Variants in TASP1 observed in about 807,000 individuals in gnomAD.
The protein encoded by TASP1 is threonine aspartase 1.
Under a neutral mutation model 56.6 loss-of-function variants are expected in TASP1, and 16 were observed. The ratio of observed to expected loss-of-function variants is 0.28; its 90% CI spans 0.19 to 0.43. The LOEUF is 0.43. Among genes scored for constraint, TASP1 ranks in the 20% least tolerant of loss-of-function variants. The probability of loss-of-function intolerance (pLI) is 1.00; values close to 1 mark genes in which losing one functional copy is unlikely to be tolerated. For missense variants in TASP1, 393 were observed against 511.6 expected, an observed-to-expected ratio of 0.77 and a Z score of 2.24; for synonymous variants, 179 against 184.2, an observed-to-expected ratio of 0.97 and a Z score of 0.23.
intron 13 of TASP1, among the ~76,000 whole-genome samples, chr20:13,406,680 T>C (rs1025046368): frequency 4.0e-5 from 6 of 149,904 alleles, no homozygotes; most frequent in Admixed American, 2.0e-4. Context: ...TTTTTTTTTT[T>C]TTTTTTGAGA....
the TASP1 span, among the ~76,000 whole-genome samples, chr20:13,326,831 A>G: frequency 2.0e-5 from 3 of 152,176 alleles, no homozygotes; most frequent in Admixed American, 1.3e-4. Flanking sequence ...TAAGAGCCAT[A>G]TATGGCAAAC....
chr20:13,237,609 C>T, the TASP1 span, among the ~76,000 whole-genome samples: 2 of 152,114 alleles, frequency 1.3e-5, no homozygotes, highest in Non-Finnish European at 1.5e-5. Context: ...TAATGTTTTG[C>T]CTCTTGATCT....
chr20:13,597,853 T>C (rs1201440168), intron 4 of TASP1, among the ~76,000 whole-genome samples: 1 of 152,188 alleles, frequency 6.6e-6, no homozygotes, highest in Non-Finnish European at 1.5e-5. Context: ...ACAAAATCAA[T>C]GTGCAAAAAT....
At chr20:13,308,074 A>AC in the TASP1 span, among the ~76,000 whole-genome samples, 11 of 151,802 alleles carry the variant, frequency 7.2e-5, no homozygotes, top group African/African-American at 9.7e-5. Flanking sequence ...TCTCAATTTC[A>AC]CCCCCTTCAC....
chr20:13,516,145 A>G (rs879658553), intron 10 of TASP1, among the ~76,000 whole-genome samples: 2 of 152,164 alleles, frequency 1.3e-5, no homozygotes, highest in Admixed American at 1.3e-4. Flanking sequence ...GCAAAATAAT[A>G]CCAAAAACAG....
the TASP1 span, among the ~76,000 whole-genome samples, chr20:13,236,085 C>T: frequency 2.0e-5 from 3 of 152,090 alleles, no homozygotes; most frequent in South Asian, 2.1e-4. Flanking sequence ...CCACCACGCA[C>T]GGCTAATTTT....
chr20:13,506,143 C>T (rs2044123241), intron 10 of TASP1, among the ~76,000 whole-genome samples: 1 of 152,060 alleles, frequency 6.6e-6, no homozygotes, highest in African/African-American at 2.4e-5. Flanking sequence ...ATTAGATAAC[C>T]TAGTAGAAAT....
the TASP1 span, among the ~76,000 whole-genome samples, chr20:13,159,662 A>T: frequency 6.6e-5 from 10 of 152,294 alleles, no homozygotes; most frequent in African/African-American, 2.2e-4. Flanking sequence ...GACCCTGCAG[A>T]TGGATTTTAT....
intron 4 of TASP1, among the ~76,000 whole-genome samples, chr20:13,596,441 T>C (rs968444480): frequency 2.0e-5 from 3 of 147,444 alleles, no homozygotes; most frequent in African/African-American, 7.5e-5. Flanking sequence ...ACTGGGTAAA[T>C]AACAAAATGA....
the TASP1 span, among the ~76,000 whole-genome samples, chr20:13,149,888 G>A: frequency 3.3e-5 from 5 of 152,334 alleles, no homozygotes; most frequent in South Asian, 4.1e-4. Flanking sequence ...AGATAATGCC[G>A]TTGGGAAAAG....
At chr20:13,462,142 C>T (rs2044077070) in intron 11 of TASP1, among the ~76,000 whole-genome samples, 1 of 152,002 alleles carries the variant, frequency 6.6e-6, no homozygotes, top group Middle Eastern at 3.2e-3. Context: ...TATGTGGCTT[C>T]CAAAGAGAGG....
the TASP1 span, among the ~76,000 whole-genome samples, chr20:13,218,285 A>G: frequency 1.1e-4 from 17 of 152,082 alleles, no homozygotes; most frequent in Non-Finnish European, 2.4e-4. Context: ...AAAGAAAAAA[A>G]AAAGGAAAGA....
chr20:13,139,839 G>A, the TASP1 span, among the ~76,000 whole-genome samples: 47 of 152,252 alleles, frequency 3.1e-4, no homozygotes, highest in South Asian at 1.0e-3. Flanking sequence ...TAGAATAAAA[G>A]TATCTAAGAA....
chr20:13,457,096 G>A (rs2043870118), intron 11 of TASP1, among the ~76,000 whole-genome samples: 1 of 151,702 alleles, frequency 6.6e-6, no homozygotes, highest in Non-Finnish European at 1.5e-5. Context: ...ACAGGGCAGT[G>A]AACATCACAC....
At chr20:13,420,182 C>T (rs1343580852) in intron 12 of TASP1, among the ~76,000 whole-genome samples, 1 of 152,080 alleles carries the variant, frequency 6.6e-6, no homozygotes, top group Non-Finnish European at 1.5e-5. Context: ...AGACATTACC[C>T]TTTATTTTTT....
the TASP1 span, among the ~76,000 whole-genome samples, chr20:13,213,191 A>C: frequency 6.6e-6 from 1 of 152,090 alleles, no homozygotes; most frequent in Admixed American, 6.6e-5. Flanking sequence ...AGTTATTAAA[A>C]AAAAAGAGTT....
chr20:13,503,604 C>A (rs377243532), intron 10 of TASP1, among the ~76,000 whole-genome samples: 1 of 148,498 alleles, frequency 6.7e-6, no homozygotes, highest in East Asian at 2.0e-4. Context: ...ATAATAATAT[C>A]CCATTAATTG....
chr20:13,237,646 G>A, the TASP1 span, among the ~76,000 whole-genome samples: 1 of 152,164 alleles, frequency 6.6e-6, no homozygotes, highest in South Asian at 2.1e-4. Flanking sequence ...GGTGTCTTCA[G>A]TTTGTGAAAT....
At chr20:13,537,551 T>G (rs1164604425) in intron 8 of TASP1, among the ~76,000 whole-genome samples, 5 of 152,166 alleles carry the variant, frequency 3.3e-5, no homozygotes, top group Non-Finnish European at 5.9e-5. Context: ...ATACAATGAC[T>G]GTTACTATAT....
Sources: allele counts gnomAD v4.1 joint callset (sites outside exome capture counted in the v4.1 genomes callset), GRCh38; gene constraint gnomAD v4.1.1; transcripts MANE v1.5; gene names NCBI Gene and HGNC (gene_info 2026-07-23, HGNC 2026-07-21).